SLC22A15: variants seen among roughly 807,000 people sequenced by gnomAD.
The protein encoded by SLC22A15 is solute carrier family 22 member 15.
In SLC22A15, 45 loss-of-function variants were observed where a neutral mutation model predicts 62.7. The ratio of observed to expected loss-of-function variants is 0.72; its 90% CI spans 0.56 to 0.92. The LOEUF is 0.92. Among genes scored for constraint, SLC22A15 ranks in the 40% least tolerant of loss-of-function variants. SLC22A15 has a pLI of 0.00. For synonymous variants in SLC22A15, 264 were observed against 267.0 expected (o/e 0.99, Z 0.11); for missense variants, 622 against 665.6 (o/e 0.93, Z 0.72).
At chr1:116,032,297 G>A in intron 6 of SLC22A15, 2 of 985,300 alleles carry the variant, frequency 2.0e-6, no homozygotes, top group Non-Finnish European at 2.4e-6. Flanking sequence ...AGAAATGGAT[G>A]GGTGCATACA....
At chr1:115,979,101 T>C (rs1227304139) in intron 1 of SLC22A15, among the ~76,000 whole-genome samples, 1 of 152,186 alleles carries the variant, frequency 6.6e-6, no homozygotes, top group Admixed American at 6.5e-5. Context: ...TTTTCCTTCT[T>C]CTGGGACCAT....
chr1:115,999,930 CT>C (rs940855454), intron 2 of SLC22A15, among the ~76,000 whole-genome samples: 1 of 151,926 alleles, frequency 6.6e-6, no homozygotes, highest in Non-Finnish European at 1.5e-5. Context: ...TATTCCTGCC[CT>C]TTTTTGGTTT....
At chr1:116,062,564 A>G (rs1391107275) in intron 8 of SLC22A15, among the ~76,000 whole-genome samples, 198 bp from the exon 9 acceptor site, 2 of 152,212 alleles carry the variant, frequency 1.3e-5, no homozygotes, top group Non-Finnish European at 2.9e-5. Flanking sequence ...TAAGTTTCCA[A>G]GGGTAGAGCC....
At chr1:116,020,604 C>T in intron 3 of SLC22A15, 117 bp from the exon 4 acceptor site, 1 of 829,064 alleles carries the variant, frequency 1.2e-6, no homozygotes, top group Non-Finnish European at 1.7e-6. Flanking sequence ...CCCACAAAAA[C>T]AGCTCAGAAA....
chr1:116,040,774 T>C (rs912193346), intron 8 of SLC22A15, among the ~76,000 whole-genome samples: 3 of 152,306 alleles, frequency 2.0e-5, no homozygotes, highest in East Asian at 3.9e-4. Context: ...GTGCCAGCCA[T>C]GCCAGGCTAA....
At chr1:115,984,955 G>A (rs563387949) in intron 1 of SLC22A15, among the ~76,000 whole-genome samples, 6 of 152,256 alleles carry the variant, frequency 3.9e-5, no homozygotes, top group South Asian at 2.1e-4. Flanking sequence ...CTACAAAAGA[G>A]TCAAAGAGTT....
At chr1:116,014,577 C>T (rs1445188346) in intron 2 of SLC22A15, among the ~76,000 whole-genome samples, 2 of 152,134 alleles carry the variant, frequency 1.3e-5, no homozygotes, top group African/African-American at 4.8e-5. Flanking sequence ...CCTGCTTTTT[C>T]AATTTGCAAA....
chr1:116,039,669 C>T (rs1405424706), intron 8 of SLC22A15, among the ~76,000 whole-genome samples: 3 of 152,034 alleles, frequency 2.0e-5, no homozygotes, highest in African/African-American at 7.2e-5. Flanking sequence ...GAGCCATTGT[C>T]TTTCATTTAA....
chr1:116,051,666 G>A (rs1470213331), intron 8 of SLC22A15, among the ~76,000 whole-genome samples: 1 of 152,186 alleles, frequency 6.6e-6, no homozygotes, highest in African/African-American at 2.4e-5. Context: ...AGGATTTCAT[G>A]ACCAAGAACT....
intron 4 of SLC22A15, among the ~76,000 whole-genome samples, chr1:116,024,255 C>G (rs776660088): frequency 1.2e-4 from 19 of 152,006 alleles, no homozygotes; most frequent in Non-Finnish European, 2.4e-4. Context: ...GCTAAAGGAC[C>G]AGTAGAGATG....
At chr1:115,984,427 C>T (rs576954926) in intron 1 of SLC22A15, among the ~76,000 whole-genome samples, 1 of 152,278 alleles carries the variant, frequency 6.6e-6, no homozygotes, top group South Asian at 2.1e-4. Flanking sequence ...GCTAATATAG[C>T]ATTCATCACA....
At chr1:116,050,729 C>A (rs1297584937) in intron 8 of SLC22A15, among the ~76,000 whole-genome samples, 1 of 152,140 alleles carries the variant, frequency 6.6e-6, no homozygotes, top group Non-Finnish European at 1.5e-5. Flanking sequence ...CCAGAGCAAT[C>A]AGACAAGAGA....
chr1:116,056,480 C>T (rs1302581363), intron 8 of SLC22A15, among the ~76,000 whole-genome samples: 1 of 150,724 alleles, frequency 6.6e-6, no homozygotes, highest in African/African-American at 2.4e-5. Context: ...GCCATACTGC[C>T]CAAGGTAATT....
At chr1:115,979,855 G>A (rs1419443644) in intron 1 of SLC22A15, among the ~76,000 whole-genome samples, 1 of 152,000 alleles carries the variant, frequency 6.6e-6, no homozygotes, top group African/African-American at 2.4e-5. Context: ...AATTTGCACA[G>A]AATTTAAAGC....
intron 4 of SLC22A15, among the ~76,000 whole-genome samples, chr1:116,021,908 C>T (rs529977718): frequency 1.3e-5 from 2 of 152,210 alleles, no homozygotes; most frequent in South Asian, 4.1e-4. Flanking sequence ...CCCAAAGACT[C>T]TCCTCTTGGA....
At chr1:115,989,646 T>C (rs1045917640) in intron 1 of SLC22A15, among the ~76,000 whole-genome samples, 3 of 152,072 alleles carry the variant, frequency 2.0e-5, no homozygotes, top group Non-Finnish European at 4.4e-5. Context: ...CTGGATGCAT[T>C]GGCAGGTACC....
At chr1:116,023,719 G>A (rs569226085) in intron 4 of SLC22A15, among the ~76,000 whole-genome samples, 4 of 152,312 alleles carry the variant, frequency 2.6e-5, no homozygotes, top group African/African-American at 9.6e-5. Flanking sequence ...ATGAAGCAGG[G>A]TAATGGGCTA....
At chr1:115,976,915 C>T (rs2101031831) in intron 1 of SLC22A15, among the ~76,000 whole-genome samples, 1 of 152,200 alleles carries the variant, frequency 6.6e-6, no homozygotes, top group East Asian at 1.9e-4. Context: ...GGTCGCCGGC[C>T]GGCCTCAGAG....
intron 5 of SLC22A15, among the ~76,000 whole-genome samples, chr1:116,029,097 G>A (rs1328187159): frequency 6.6e-6 from 1 of 152,090 alleles, no homozygotes; most frequent in African/African-American, 2.4e-5. Flanking sequence ...CCAAAGCCAG[G>A]GGTTTCCACA....
Sources: gnomAD v4.1 joint callset for allele counts (sites outside exome capture counted in the v4.1 genomes callset) on GRCh38, gnomAD v4.1.1 for gene constraint, MANE v1.5 for transcripts, NCBI Gene and HGNC (gene_info 2026-07-23, HGNC 2026-07-21) for gene names.